The following NAV2 variants were observed in gnomAD, a reference collection of about 807,000 sequenced individuals.
The protein encoded by NAV2 is neuron navigator 2.
NAV2 carries 54 observed loss-of-function variants against 223.2 expected under a neutral mutation model. The observed-to-expected ratio is 0.24, with a 90% CI of 0.19 to 0.30. The LOEUF is 0.30. NAV2 is among the 10% of genes least tolerant of loss of function. The probability of loss-of-function intolerance (pLI) is 1.00; values close to 1 mark genes in which losing one functional copy is unlikely to be tolerated. For synonymous variants in NAV2, 1,279 were observed against 1,239.3 expected (o/e 1.03, Z -0.67); for missense variants, 2,806 against 3,147.5 (o/e 0.89, Z 2.60).
chr11:20,001,954 T>C (rs1375843876), intron 11 of NAV2, among the ~76,000 whole-genome samples: 1 of 152,118 alleles, frequency 6.6e-6, no homozygotes, highest in Non-Finnish European at 1.5e-5. Context: ...GTAGCACACA[T>C]TGTGTGGCTA....
chr11:19,460,899 C>T (rs1852134258), intron 1 of NAV2, among the ~76,000 whole-genome samples: 1 of 152,046 alleles, frequency 6.6e-6, no homozygotes, highest in Non-Finnish European at 1.5e-5. Context: ...TAGGTGGGGT[C>T]CTGTACACTC....
chr11:20,064,945 T>C (rs1324867467), intron 20 of NAV2, among the ~76,000 whole-genome samples: 1 of 152,080 alleles, frequency 6.6e-6, no homozygotes, highest in Non-Finnish European at 1.5e-5. Context: ...CCCTACAATC[T>C]CTGACATTCC....
intron 1 of NAV2, among the ~76,000 whole-genome samples, chr11:19,429,817 G>A (rs956710973): frequency 2.0e-5 from 3 of 152,196 alleles, no homozygotes; most frequent in Non-Finnish European, 4.4e-5. Flanking sequence ...AGTTTGCTGA[G>A]TGGCCTGAAG....
chr11:19,957,714 C>G (rs2047999313), intron 10 of NAV2, among the ~76,000 whole-genome samples: 1 of 152,166 alleles, frequency 6.6e-6, no homozygotes, highest in African/African-American at 2.4e-5. Flanking sequence ...AATTCTCCAG[C>G]ACTCCCATGC....
intron 1 of NAV2, among the ~76,000 whole-genome samples, chr11:19,617,620 G>C (rs2046838274): frequency 6.6e-6 from 1 of 152,210 alleles, no homozygotes; most frequent in South Asian, 2.1e-4. Flanking sequence ...GGTGTGATAA[G>C]AAGTGCATGG....
At chr11:19,501,094 A>G (rs79236482) in intron 1 of NAV2, among the ~76,000 whole-genome samples, 4,299 of 152,150 alleles carry the variant, frequency 0.028, 88 homozygotes, top group Non-Finnish European at 0.042. Flanking sequence ...TCCATCTTCA[A>G]AGTCAGCAAC....
chr11:19,662,283 G>A (rs1416286088), intron 1 of NAV2, among the ~76,000 whole-genome samples: 2 of 152,198 alleles, frequency 1.3e-5, no homozygotes, highest in East Asian at 3.8e-4. Context: ...AAAATATTAT[G>A]ATTGTAGCTG....
At chr11:19,572,794 C>T (rs1480462821) in intron 1 of NAV2, among the ~76,000 whole-genome samples, 1 of 152,098 alleles carries the variant, frequency 6.6e-6, no homozygotes, top group Admixed American at 6.6e-5. Flanking sequence ...TAAAAGCTTC[C>T]AGAATTTTGC....
At chr11:20,059,629 T>G (rs962970993) in intron 19 of NAV2, among the ~76,000 whole-genome samples, 1 of 151,238 alleles carries the variant, frequency 6.6e-6, no homozygotes, top group African/African-American at 2.5e-5. Context: ...TACAACAGAT[T>G]ACTCAAAGGC....
Position 20,049,130 on chromosome 11 carries a change from C to T in NAV2, c.4305C>T (p.Ser1435=). The change falls in exon 15 of 38, where the codon TCC becomes TCT. Residue 1435 remains serine, a synonymous_variant. Transcript: ENST00000349880. ...SHNSSTGLIA[S]SKDDSLTPFV... ...ATTCTTCCACTGGCCTCATCGCCTC[C>T]TCCAAGGACGACTCCTTGACTCCCT... 6.8e-6 allele frequency: 11 copies of T among 1,613,916 alleles called. No homozygotes were observed. The highest frequency in any genetic ancestry group is 1.1e-5 in the South Asian group (1 of 91,022).
intron 1 of NAV2, among the ~76,000 whole-genome samples, chr11:19,512,675 T>A (rs560071414): frequency 6.6e-6 from 1 of 152,220 alleles, no homozygotes; most frequent in Non-Finnish European, 1.5e-5. Flanking sequence ...ACTTTCCTGT[T>A]TCACCCTTTG....
At chr11:19,566,031 G>GATTTTATTTTATTTTATTTTATTTT (rs56221634) in intron 1 of NAV2, among the ~76,000 whole-genome samples, 2,366 of 138,568 alleles carry the variant, frequency 0.017, 43 homozygotes, top group South Asian at 0.042. Flanking sequence ...TATCCAAGGA[G>GATTTTATTTTATTTTATTTTATTTT]ATTTTATTTT....
chr11:19,785,638 G>A (rs112252355), intron 1 of NAV2, among the ~76,000 whole-genome samples: 61 of 143,286 alleles, frequency 4.3e-4, no homozygotes, highest in Middle Eastern at 3.6e-3. Context: ...AGTTTATTGC[G>A]TCAGCTGGCT....
intron 1 of NAV2, among the ~76,000 whole-genome samples, chr11:19,382,134 G>T (rs1377537817): frequency 6.6e-6 from 1 of 152,222 alleles, no homozygotes; most frequent in Non-Finnish European, 1.5e-5. Flanking sequence ...CAGAAAGGCA[G>T]CTGGGAAAGG....
intron 1 of NAV2, among the ~76,000 whole-genome samples, chr11:19,426,945 C>T (rs1850854119): frequency 6.6e-6 from 1 of 152,188 alleles, no homozygotes; most frequent in Non-Finnish European, 1.5e-5. Context: ...CCATTTAAGA[C>T]TGGTCTTGGC....
chr11:20,007,966 C>T (rs2053225701), intron 11 of NAV2, among the ~76,000 whole-genome samples: 1 of 152,234 alleles, frequency 6.6e-6, no homozygotes, highest in African/African-American at 2.4e-5. Context: ...CGTTATCATA[C>T]TTTACCCCTT....
intron 1 of NAV2, among the ~76,000 whole-genome samples, chr11:19,715,977 A>T (rs1233960179): frequency 6.6e-6 from 1 of 152,188 alleles, no homozygotes; most frequent in Non-Finnish European, 1.5e-5. Flanking sequence ...CACAGCTGAC[A>T]TCAAAGTGAT....
At chr11:20,030,555 C>T (rs1047278152) in intron 11 of NAV2, among the ~76,000 whole-genome samples, 25 of 152,186 alleles carry the variant, frequency 1.6e-4, no homozygotes, top group Admixed American at 1.3e-3. Flanking sequence ...AAAATTAGTG[C>T]TGTTTGAAAG....
At position 19,836,775 on chromosome 11, in the gene NAV2, G is replaced by A. The variant is rs537025632; in HGVS notation, c.385+4174G>A. ...CAGACTGAGTGGCATATAAACAAAA[G>A]ACATTTATTTCTTATGATTCTGGAG... On this transcript the variant is annotated intron_variant, in intron 2 of 37. Coordinates refer to ENST00000349880, the MANE Select transcript of NAV2 (RefSeq NM_145117.5). Among the ~76,000 whole-genome samples the A allele has an allele frequency of 2.8e-4, 42 of 152,234 alleles. No individual in the cohort carries two copies. In the South Asian group the frequency reaches 4.2e-3, roughly 15 times the overall value.
Sources: gnomAD v4.1 joint callset for allele counts (sites outside exome capture counted in the v4.1 genomes callset) on GRCh38, gnomAD v4.1.1 for gene constraint, MANE v1.5 for transcripts, NCBI Gene and HGNC (gene_info 2026-07-23, HGNC 2026-07-21) for gene names.